Variants in GDA observed in about 807,000 individuals in gnomAD.
GDA encodes the protein guanine deaminase, also known as cytoplasmic PSD-95 interactor.
A neutral mutation model predicts 59.6 loss-of-function variants in GDA; 18 were observed. That is an observed-to-expected ratio of 0.30 (90% confidence interval 0.21 to 0.45). The LOEUF is 0.45. GDA is among the 20% of genes least tolerant of loss of function. GDA has a pLI of 1.00. For synonymous variants in GDA, 201 were observed against 201.1 expected (o/e 1.00, Z 0.00); for missense variants, 427 against 552.3 (o/e 0.77, Z 2.27).
At chr9:72,203,009 T>C (rs1834200326) in intron 3 of GDA, among the ~76,000 whole-genome samples, 1 of 152,246 alleles carries the variant, frequency 6.6e-6, no homozygotes, top group Non-Finnish European at 1.5e-5. Context: ...TGTTTTACTT[T>C]ACCAAATCTG....
intron 8 of GDA, among the ~76,000 whole-genome samples, chr9:72,226,581 C>A (rs1244731481): frequency 6.6e-6 from 1 of 152,132 alleles, no homozygotes; most frequent in Non-Finnish European, 1.5e-5. Context: ...TTGGCCTTGG[C>A]CTTCAATGAA....
intron 3 of GDA, among the ~76,000 whole-genome samples, chr9:72,209,367 G>A (rs752519876): frequency 6.6e-6 from 1 of 151,750 alleles, no homozygotes; most frequent in Non-Finnish European, 1.5e-5. Context: ...CTTTTCCTGA[G>A]CAATTCTCTT....
At chr9:72,237,034 C>T (rs1839085539) in intron 10 of GDA, among the ~76,000 whole-genome samples, 1 of 152,132 alleles carries the variant, frequency 6.6e-6, no homozygotes, top group Non-Finnish European at 1.5e-5. Context: ...CCTGCCTTGG[C>T]CTCCCACAGT....
intron 1 of GDA, among the ~76,000 whole-genome samples, chr9:72,165,505 G>T (rs1381252112): frequency 6.6e-6 from 1 of 152,174 alleles, no homozygotes; most frequent in East Asian, 1.9e-4. Context: ...ACAAAACCAG[G>T]TAAGACGATA....
chr9:72,132,698 C>T (rs1397906371), intron 1 of GDA, among the ~76,000 whole-genome samples: 1 of 152,098 alleles, frequency 6.6e-6, no homozygotes, highest in Non-Finnish European at 1.5e-5. Context: ...TGAGAGACTC[C>T]CAGACTATTG....
At chr9:72,204,456 G>T (rs1434270666) in intron 3 of GDA, among the ~76,000 whole-genome samples, 1 of 152,164 alleles carries the variant, frequency 6.6e-6, no homozygotes, top group Non-Finnish European at 1.5e-5. Context: ...TACTGTGGGG[G>T]TCCATGCATT....
intron 9 of GDA, chr9:72,228,775 C>G (rs1045587708): frequency 2.0e-5 from 3 of 152,366 alleles, no homozygotes; most frequent in African/African-American, 7.2e-5. Flanking sequence ...GTAATCCCAA[C>G]CACTCAGGAG....
At chr9:72,226,678 G>T (rs370164880) in intron 8 of GDA, among the ~76,000 whole-genome samples, 1 of 152,010 alleles carries the variant, frequency 6.6e-6, no homozygotes, top group Non-Finnish European at 1.5e-5. Context: ...TGATTTAAAA[G>T]GTTAATACTT....
rs934911648 is a variant in GDA at position 72,166,963 on chromosome 9, A to G, written c.123+17281A>G. Among the ~76,000 whole-genome samples the G allele has an allele frequency of 2.1e-4, 32 of 152,212 alleles. 1 individual carries two copies. Among genetic ancestry groups the G allele is most frequent in the Admixed American group, 6.6e-4 (10 of 15,264 alleles). On this transcript the variant is annotated intron_variant, in intron 1 of 13. Coordinates refer to ENST00000358399, the MANE Select transcript of GDA (RefSeq NM_004293.5). ...GGCAGTAAATTTTATTTTCTCTACC[A>G]GAAACTAAATTCTTGACAGGCAAAG...
chr9:72,162,839 A>G (rs1828811884), intron 1 of GDA, among the ~76,000 whole-genome samples: 2 of 152,070 alleles, frequency 1.3e-5, no homozygotes, highest in South Asian at 2.1e-4. Context: ...TTGTATTTTT[A>G]GTAGAGACAG....
chr9:72,247,785 G>A (rs1840309173), intron 13 of GDA, among the ~76,000 whole-genome samples: 1 of 152,152 alleles, frequency 6.6e-6, no homozygotes, highest in Admixed American at 6.5e-5. Context: ...CACCACACGT[G>A]CTGGTGATGT....
intron 13 of GDA, 50 bp downstream of exon 13, chr9:72,247,483 G>A (rs947830730): frequency 2.0e-6 from 2 of 985,130 alleles, no homozygotes; most frequent in African/African-American, 1.6e-5. Context: ...ACCTTTCCCT[G>A]TCTTTTTCTT....
chr9:72,254,610 C>T (rs960032811), downstream of GDA, among the ~76,000 whole-genome samples: 3 of 152,152 alleles, frequency 2.0e-5, no homozygotes, highest in African/African-American at 7.2e-5. Flanking sequence ...GCAGAAATAA[C>T]GGCCCTGGAA....
At chr9:72,242,082 G>A (rs189177305) in intron 11 of GDA, among the ~76,000 whole-genome samples, 12 of 152,182 alleles carry the variant, frequency 7.9e-5, no homozygotes, top group South Asian at 4.1e-4. Context: ...TATTCATTTC[G>A]TTTTACAAAC....
At chr9:72,146,370 A>G (rs959968234), upstream of GDA, among the ~76,000 whole-genome samples, 54 of 151,850 alleles carry the variant, frequency 3.6e-4, no homozygotes, top group African/African-American at 1.3e-3. Flanking sequence ...CTTGGGCTGT[A>G]TTTTGAGGGT....
chr9:72,165,569 G>A (rs559056763), intron 1 of GDA, among the ~76,000 whole-genome samples: 1 of 152,202 alleles, frequency 6.6e-6, no homozygotes, highest in East Asian at 1.9e-4. Context: ...GGTATGTGTA[G>A]GGAATGGCTA....
At chr9:72,169,826 C>G (rs1829747861) in intron 1 of GDA, among the ~76,000 whole-genome samples, 1 of 152,168 alleles carries the variant, frequency 6.6e-6, no homozygotes, top group South Asian at 2.1e-4. Flanking sequence ...TCCAGGGGAA[C>G]TGGGAATGGT....
At chr9:72,212,676 C>T (rs1427405575) in intron 4 of GDA, among the ~76,000 whole-genome samples, 1 of 152,066 alleles carries the variant, frequency 6.6e-6, no homozygotes. Flanking sequence ...CAAATCTTTC[C>T]AATTCCAGTG....
intron 6 of GDA, among the ~76,000 whole-genome samples, chr9:72,221,272 G>A (rs1389893992): frequency 3.9e-5 from 6 of 152,178 alleles, no homozygotes; most frequent in African/African-American, 1.4e-4. Flanking sequence ...TAAAACTTCA[G>A]CCTCCACTTT....
Sources: gnomAD v4.1 joint callset for allele counts (sites outside exome capture counted in the v4.1 genomes callset) on GRCh38, gnomAD v4.1.1 for gene constraint, MANE v1.5 for transcripts, NCBI Gene and HGNC (gene_info 2026-07-23, HGNC 2026-07-21) for gene names.